Variants in MYRIP observed in about 807,000 individuals in gnomAD.
MYRIP encodes the protein myosin VIIA and Rab interacting protein, also known as rab effector MyRIP.
In MYRIP, 49 loss-of-function variants were observed where a neutral mutation model predicts 98.0. That is an observed-to-expected ratio of 0.50 (90% CI 0.40 to 0.63). The LOEUF (loss-of-function observed/expected upper bound fraction) is 0.63, where lower values mean the gene tolerates loss of function less well. Among genes scored for constraint, MYRIP ranks in the 30% least tolerant of loss-of-function variants. The probability of loss-of-function intolerance (pLI) is 0.00; values close to 1 mark genes in which losing one functional copy is unlikely to be tolerated. For synonymous variants in MYRIP, 404 were observed against 409.5 expected (o/e 0.99, Z 0.16); for missense variants, 1,004 against 1,058.2 (o/e 0.95, Z 0.71).
At chr3:40,239,695 T>A (rs1952937189) in intron 12 of MYRIP, among the ~76,000 whole-genome samples, 2 of 150,590 alleles carry the variant, frequency 1.3e-5, no homozygotes, top group African/African-American at 4.9e-5. Context: ...TTTGGCTGCA[T>A]AAATGTCTTC....
At chr3:40,081,128 A>G (rs1432221228) in intron 3 of MYRIP, among the ~76,000 whole-genome samples, 1 of 152,084 alleles carries the variant, frequency 6.6e-6, no homozygotes, top group African/African-American at 2.4e-5. Context: ...CACTTCTCTG[A>G]AATGTATTTA....
At chr3:40,051,613 G>T (rs541737854) in intron 3 of MYRIP, among the ~76,000 whole-genome samples, 35 of 152,180 alleles carry the variant, frequency 2.3e-4, no homozygotes, top group African/African-American at 4.8e-4. Flanking sequence ...CCCAAGGTGT[G>T]CCTACATTAC....
At chr3:40,084,238 T>A (rs1183025007) in intron 3 of MYRIP, among the ~76,000 whole-genome samples, 1 of 142,546 alleles carries the variant, frequency 7.0e-6, no homozygotes. Flanking sequence ...ATATGTAAAA[T>A]GTAGAAATAT....
Position 40,151,056 on chromosome 3 carries a change from G to A in MYRIP, c.341G>A (p.Arg114Lys). Residue 114 changes from arginine to lysine, a missense_variant, in exon 4 of 17, where the codon AGG (arginine) becomes AAG (lysine). Coordinates refer to ENST00000302541, the MANE Select transcript of MYRIP (RefSeq NM_015460.4). ...CCVCQQARLL[R>K]AQSLEWFYNN... The stretch of plus-strand genomic sequence containing the variant: ...AATTCTGTTTTCCTCAGGCTTCTGA[G>A]GGCCCAATCTCTGGAATGGTTCTAC... The A allele has an allele frequency of 6.3e-7, 1 of 1,584,632 alleles. No individual in the cohort carries two copies. The highest frequency in any genetic ancestry group is 1.2e-5 in the South Asian group (1 of 86,216).
intron 1 of MYRIP, among the ~76,000 whole-genome samples, chr3:39,831,897 G>T (rs567201479): frequency 6.6e-6 from 1 of 152,084 alleles, no homozygotes; most frequent in Non-Finnish European, 1.5e-5. Flanking sequence ...TAAGTTTCTG[G>T]GTTTCTCATG....
At chr3:40,183,723 C>T (rs1353439286) in intron 9 of MYRIP, among the ~76,000 whole-genome samples, 1 of 152,180 alleles carries the variant, frequency 6.6e-6, no homozygotes, top group Non-Finnish European at 1.5e-5. Flanking sequence ...ATGAAGAAAG[C>T]ATTAACAGTA....
At chr3:39,879,349 T>A (rs1360612655) in intron 1 of MYRIP, among the ~76,000 whole-genome samples, 4 of 151,672 alleles carry the variant, frequency 2.6e-5, no homozygotes, top group Admixed American at 2.6e-4. Context: ...TCTCAGGGTC[T>A]GTTTCCTTTT....
At chr3:40,104,964 A>G (rs1949026652) in intron 3 of MYRIP, among the ~76,000 whole-genome samples, 1 of 151,920 alleles carries the variant, frequency 6.6e-6, no homozygotes, top group African/African-American at 2.4e-5. Flanking sequence ...CCTCAGCCCT[A>G]TCCCACCCCC....
At chr3:40,153,100 C>G (rs1950153324) in intron 4 of MYRIP, among the ~76,000 whole-genome samples, 1 of 151,238 alleles carries the variant, frequency 6.6e-6, no homozygotes, top group Admixed American at 6.6e-5. Flanking sequence ...GCCTGGGTGA[C>G]AGAGCAAGAC....
chr3:39,887,498 C>T (rs1943342332), intron 1 of MYRIP, among the ~76,000 whole-genome samples: 1 of 152,112 alleles, frequency 6.6e-6, no homozygotes, highest in East Asian at 1.9e-4. Flanking sequence ...TAAAAACTCT[C>T]AATAAATTAG....
In MYRIP at chr3:39,874,911, G is replaced by A. The variant is rs186921474; in HGVS notation, c.-30-25876G>A. Among the ~76,000 whole-genome samples the A allele has an allele frequency of 6.1e-3, 927 of 152,260 alleles. 3 individuals are homozygous for A. Among genetic ancestry groups the A allele is most frequent in the African/African-American group, 0.02 (834 of 41,554 alleles). ...CTATTGATTGGAATAGTTTCAGAAG[G>A]AATGGTACCAGTTCCTCCTTGCACC... is the stretch of plus-strand genomic sequence containing the variant. On this transcript the variant is annotated intron_variant, in intron 1 of 16. Coordinates refer to ENST00000302541, the MANE Select transcript of MYRIP (RefSeq NM_015460.4).
chr3:39,860,654 C>A (rs1013299988), intron 1 of MYRIP, among the ~76,000 whole-genome samples: 10 of 152,144 alleles, frequency 6.6e-5, no homozygotes, highest in African/African-American at 4.8e-5. Flanking sequence ...CATGCCTGAC[C>A]ATTGAAGAGC....
rs142961858 is a variant in MYRIP at position 39,990,831 on chromosome 3, A to G, written c.111-53219A>G. 3.5e-3 allele frequency among the ~76,000 whole-genome samples: 540 copies of G among 152,312 alleles called. 2 individuals carry two copies. The highest frequency in any genetic ancestry group is 0.011 in the South Asian group (54 of 4,828). On this transcript the variant is annotated intron_variant, in intron 2 of 16. Transcript: ENST00000302541. ...TTTTTGCAGGCACATGGCAAACTGTATGAAAACATGTCCTTTGCAGGAACA... is the reference window on the plus strand; with the variant it reads ...TTTTTGCAGGCACATGGCAAACTGTGTGAAAACATGTCCTTTGCAGGAACA...
At chr3:39,980,215 A>G (rs1057211460) in intron 2 of MYRIP, among the ~76,000 whole-genome samples, 2 of 152,184 alleles carry the variant, frequency 1.3e-5, no homozygotes, top group African/African-American at 4.8e-5. Context: ...TCTCAGATGA[A>G]TGGAGCTTCC....
At chr3:39,946,140 C>T (rs1277836912) in intron 2 of MYRIP, among the ~76,000 whole-genome samples, 2 of 152,034 alleles carry the variant, frequency 1.3e-5, no homozygotes, top group Non-Finnish European at 2.9e-5. Context: ...ACAGAAAGAT[C>T]AAATACTGCA....
chr3:40,025,567 C>T (rs1947106332), intron 2 of MYRIP, among the ~76,000 whole-genome samples: 1 of 152,138 alleles, frequency 6.6e-6, no homozygotes, highest in South Asian at 2.1e-4. Flanking sequence ...AGAAGTATTC[C>T]ATGAGGTATT....
chr3:39,969,491 G>A (rs868640771), intron 2 of MYRIP, among the ~76,000 whole-genome samples: 9 of 152,200 alleles, frequency 5.9e-5, no homozygotes, highest in Middle Eastern at 3.4e-3. Context: ...TTTGAGGTAT[G>A]TTCCTTCAAT....
chr3:40,065,993 C>T (rs955905645), intron 3 of MYRIP, among the ~76,000 whole-genome samples: 2 of 152,146 alleles, frequency 1.3e-5, no homozygotes, highest in African/African-American at 2.4e-5. Context: ...GTACTGATAG[C>T]TCAGATCTGC....
chr3:40,070,123 C>T (rs1559387453), intron 3 of MYRIP, among the ~76,000 whole-genome samples: 1 of 152,112 alleles, frequency 6.6e-6, no homozygotes, highest in Non-Finnish European at 1.5e-5. Flanking sequence ...ATCTGGGTCC[C>T]TTAATGCCCA....
Sources: gnomAD v4.1 joint callset for allele counts (sites outside exome capture counted in the v4.1 genomes callset) on GRCh38, gnomAD v4.1.1 for gene constraint, MANE v1.5 for transcripts, NCBI Gene and HGNC (gene_info 2026-07-23, HGNC 2026-07-21) for gene names.